The following CSMD1 variants were observed in gnomAD, a reference collection of about 807,000 sequenced individuals.
CSMD1 encodes the protein CUB and sushi domain-containing protein 1.
In CSMD1, 213 loss-of-function variants were observed where a neutral mutation model predicts 417.5. That is an observed-to-expected ratio of 0.51 (90% confidence interval 0.46 to 0.57). CSMD1 has a LOEUF of 0.57. Among genes scored for constraint, CSMD1 ranks in the 20% least tolerant of loss-of-function variants. CSMD1 has a pLI of 0.00. For synonymous variants in CSMD1, 2,862 were observed against 1,736.8 expected (o/e 1.65, Z -16.11); for missense variants, 6,923 against 4,529.7 (o/e 1.53, Z -15.17).
intron 23 of CSMD1, among the ~76,000 whole-genome samples, chr8:3,324,361 C>A (rs1180406017): frequency 6.6e-6 from 1 of 151,316 alleles, no homozygotes; most frequent in African/African-American, 2.4e-5. Context: ...CACATCTAAT[C>A]CCCAGGGACC....
chr8:4,222,728 T>C (rs1801113761), intron 3 of CSMD1, among the ~76,000 whole-genome samples: 1 of 152,084 alleles, frequency 6.6e-6, no homozygotes, highest in Non-Finnish European at 1.5e-5. Flanking sequence ...TGATAAAAAG[T>C]GGTCAAACAC....
intron 3 of CSMD1, among the ~76,000 whole-genome samples, chr8:4,146,396 T>C (rs1804125261): frequency 6.7e-6 from 1 of 150,312 alleles, no homozygotes; most frequent in Non-Finnish European, 1.5e-5. Context: ...TCGGGGTTGA[T>C]AATGTGGCAC....
In CSMD1 at chr8:3,519,948, C is replaced by T. The variant is rs188106047; in HGVS notation, c.1345-26222G>A. 1.9e-3 allele frequency among the ~76,000 whole-genome samples: 294 copies of T among 151,382 alleles called. 1 individual carries two copies. The highest frequency in any genetic ancestry group is 6.4e-3 in the African/African-American group (263 of 41,084). ...TATAAACTCAACGCTAATATAATTT[C>T]GCTGAAAGTCAGGCACACTTTTTTA... On this transcript the variant is annotated intron_variant, in intron 10 of 69. Coordinates refer to ENST00000635120, the MANE Select transcript of CSMD1 (RefSeq NM_033225.6).
At chr8:4,972,484 G>A (rs1810301368) in intron 1 of CSMD1, among the ~76,000 whole-genome samples, 1 of 152,120 alleles carries the variant, frequency 6.6e-6, no homozygotes, top group Non-Finnish European at 1.5e-5. Flanking sequence ...CTGCCATCTT[G>A]TGAAGAAGGT....
At chr8:3,569,206 T>A (rs1799843333) in intron 10 of CSMD1, among the ~76,000 whole-genome samples, 1 of 152,190 alleles carries the variant, frequency 6.6e-6, no homozygotes, top group African/African-American at 2.4e-5. Flanking sequence ...AAAATGCTAG[T>A]TTCTTCTAAA....
chr8:3,590,297 T>G (rs572961870), intron 8 of CSMD1, among the ~76,000 whole-genome samples: 5 of 152,304 alleles, frequency 3.3e-5, no homozygotes, highest in Non-Finnish European at 7.3e-5. Context: ...TTTTTCCTGA[T>G]TCTATTACTT....
At chr8:4,029,839 G>C (rs894471693) in intron 4 of CSMD1, among the ~76,000 whole-genome samples, 11 of 152,062 alleles carry the variant, frequency 7.2e-5, no homozygotes, top group Non-Finnish European at 1.3e-4. Flanking sequence ...TTACTTCCTA[G>C]ACAAATGCAG....
At position 4,152,850 on chromosome 8, in the gene CSMD1, G is replaced by A. The variant is rs564236932; in HGVS notation, c.416-120751C>T. 1.3e-5 allele frequency among the ~76,000 whole-genome samples: 2 copies of A among 152,128 alleles called. 1 individual carries two copies. Among genetic ancestry groups the A allele is most frequent in the South Asian group, 4.1e-4 (2 of 4,824 alleles). ...GTAGGGAATGTATGTATGTGCATGT[G>A]TATTTATGGAGAAATGAGAAATTAA... On this transcript the variant is annotated intron_variant, in intron 3 of 69. Coordinates refer to ENST00000635120, the MANE Select transcript of CSMD1 (RefSeq NM_033225.6).
At chr8:3,177,843 ATAT>A (rs1473211413) in intron 37 of CSMD1, among the ~76,000 whole-genome samples, 1 of 152,004 alleles carries the variant, frequency 6.6e-6, no homozygotes, top group Non-Finnish European at 1.5e-5. Flanking sequence ...GGATAAATCA[ATAT>A]TATCACCGTT....
intron 41 of CSMD1, among the ~76,000 whole-genome samples, chr8:3,131,177 G>A (rs954003375): frequency 6.6e-6 from 1 of 152,160 alleles, no homozygotes; most frequent in African/African-American, 2.4e-5. Flanking sequence ...AGCAAAATTT[G>A]TGGCTTAACA....
chr8:3,848,155 G>C (rs1438744436), intron 5 of CSMD1, among the ~76,000 whole-genome samples: 2 of 151,798 alleles, frequency 1.3e-5, no homozygotes, highest in Non-Finnish European at 2.9e-5. Flanking sequence ...GTATGTGGTG[G>C]ATGAGAAGTT....
At chr8:3,064,941 T>G (rs149560464) in intron 49 of CSMD1, among the ~76,000 whole-genome samples, 1,784 of 152,188 alleles carry the variant, frequency 0.012, 38 homozygotes, top group African/African-American at 0.04. Flanking sequence ...GGGAGAAAAT[T>G]AGAGAACAAA....
intron 37 of CSMD1, among the ~76,000 whole-genome samples, chr8:3,179,995 G>A (rs569007431): frequency 6.6e-6 from 1 of 152,236 alleles, no homozygotes; most frequent in Admixed American, 6.5e-5. Flanking sequence ...TCAAAAATAT[G>A]CATGCATTTA....
chr8:3,535,404 G>A (rs138929180), intron 10 of CSMD1, among the ~76,000 whole-genome samples: 2 of 152,270 alleles, frequency 1.3e-5, no homozygotes, highest in Non-Finnish European at 2.9e-5. Context: ...CCTGACACCT[G>A]CAGCCTGACC....
chr8:4,401,588 T>TC (rs1442464995), intron 3 of CSMD1, among the ~76,000 whole-genome samples: 4 of 152,060 alleles, frequency 2.6e-5, no homozygotes, highest in African/African-American at 9.7e-5. Flanking sequence ...ATCCATCATG[T>TC]CCTCCATCCC....
At chr8:4,905,624 C>T (rs573647465) in intron 1 of CSMD1, among the ~76,000 whole-genome samples, 2 of 151,646 alleles carry the variant, frequency 1.3e-5, no homozygotes, top group Non-Finnish European at 2.9e-5. Context: ...TCGAGGCCAT[C>T]CTGGCTAACA....
At chr8:4,434,203 T>C (rs769756984) in intron 2 of CSMD1, among the ~76,000 whole-genome samples, 4 of 152,072 alleles carry the variant, frequency 2.6e-5, no homozygotes, top group Non-Finnish European at 5.9e-5. Context: ...CCAGGCATGG[T>C]AATGAGCACC....
At chr8:4,857,637 T>G (rs1328952917) in intron 1 of CSMD1, among the ~76,000 whole-genome samples, 2 of 151,956 alleles carry the variant, frequency 1.3e-5, no homozygotes, top group Non-Finnish European at 2.9e-5. Context: ...TACAAACACC[T>G]CTACGCAAAT....
chr8:3,398,455 T>C (rs1811831796), intron 16 of CSMD1, among the ~76,000 whole-genome samples: 1 of 152,216 alleles, frequency 6.6e-6, no homozygotes, highest in African/African-American at 2.4e-5. Context: ...TAAATACAAT[T>C]ACTGAAAGTT....
Sources: gnomAD v4.1 joint callset for allele counts (sites outside exome capture counted in the v4.1 genomes callset) on GRCh38, gnomAD v4.1.1 for gene constraint, MANE v1.5 for transcripts, NCBI Gene and HGNC (gene_info 2026-07-23, HGNC 2026-07-21) for gene names.